The following L3MBTL4 variants were observed in gnomAD, a reference collection of about 807,000 sequenced individuals.
L3MBTL4 encodes lethal(3)malignant brain tumor-like protein 4.
A neutral mutation model predicts 84.5 loss-of-function variants in L3MBTL4; 70 were observed. That is an observed-to-expected ratio of 0.83 (90% CI 0.68 to 1.01). The LOEUF (loss-of-function observed/expected upper bound fraction) is 1.01, where lower values mean the gene tolerates loss of function less well. Ranked by LOEUF, L3MBTL4 falls within the 50% of genes least tolerant of loss-of-function variation. L3MBTL4 has a pLI of 0.00. For missense variants in L3MBTL4, 715 were observed against 754.8 expected, an observed-to-expected ratio of 0.95 and a Z score of 0.62; for synonymous variants, 274 against 259.8, an observed-to-expected ratio of 1.05 and a Z score of -0.52.
At chr18:6,346,136 A>T (rs1243925960) in intron 1 of L3MBTL4, among the ~76,000 whole-genome samples, 1 of 145,610 alleles carries the variant, frequency 6.9e-6, no homozygotes, top group East Asian at 2.0e-4. Flanking sequence ...ATATATATGG[A>T]TGTATATATG....
At chr18:6,395,035 G>T (rs918921399) in intron 1 of L3MBTL4, 2 of 151,914 alleles carry the variant, frequency 1.3e-5, no homozygotes, top group African/African-American at 4.8e-5. Flanking sequence ...ATCTTGTTCC[G>T]TTACTTCATA....
intron 16 of L3MBTL4, among the ~76,000 whole-genome samples, chr18:6,007,871 C>T (rs2054561583): frequency 6.6e-6 from 1 of 152,150 alleles, no homozygotes; most frequent in African/African-American, 2.4e-5. Context: ...GAGCACAGTA[C>T]ATACAGCATG....
At chr18:6,151,553 C>T (rs542295278) in intron 13 of L3MBTL4, among the ~76,000 whole-genome samples, 32 of 151,894 alleles carry the variant, frequency 2.1e-4, no homozygotes, top group African/African-American at 4.6e-4. Context: ...CCACCAGGCA[C>T]GGCTAATTTT....
At chr18:6,217,609 A>G (rs1255536118) in intron 10 of L3MBTL4, among the ~76,000 whole-genome samples, 1 of 152,138 alleles carries the variant, frequency 6.6e-6, no homozygotes, top group Non-Finnish European at 1.5e-5. Flanking sequence ...CTTTTTAGTG[A>G]TAAGAAGTAT....
intron 16 of L3MBTL4, among the ~76,000 whole-genome samples, chr18:6,065,900 T>C (rs2057383193): frequency 6.6e-6 from 1 of 152,052 alleles, no homozygotes; most frequent in African/African-American, 2.4e-5. Flanking sequence ...CTCTTGGGTT[T>C]GGGTTTAATT....
chr18:5,989,063 G>A (rs2053578173), intron 16 of L3MBTL4, among the ~76,000 whole-genome samples: 1 of 152,228 alleles, frequency 6.6e-6, no homozygotes, highest in Non-Finnish European at 1.5e-5. Context: ...TGGAGACAGA[G>A]AGGTGGGGGC....
chr18:6,020,730 G>A (rs1399497477), intron 16 of L3MBTL4, among the ~76,000 whole-genome samples: 2 of 152,166 alleles, frequency 1.3e-5, no homozygotes, highest in African/African-American at 4.8e-5. Flanking sequence ...AGTCAAGGAC[G>A]CTCCTAGGTT....
At chr18:5,970,020 A>C (rs2052561683) in intron 16 of L3MBTL4, among the ~76,000 whole-genome samples, 1 of 152,364 alleles carries the variant, frequency 6.6e-6, no homozygotes, top group South Asian at 2.1e-4. Context: ...CTAAAGACAG[A>C]ATGAGCCTCA....
intron 3 of L3MBTL4, among the ~76,000 whole-genome samples, chr18:6,307,879 T>C (rs2050662447): frequency 1.3e-5 from 2 of 152,234 alleles, no homozygotes; most frequent in Admixed American, 6.5e-5. Flanking sequence ...TTTTTGTATA[T>C]TCATTTTGTA....
At chr18:6,098,492 T>A (rs909320837) in intron 14 of L3MBTL4, among the ~76,000 whole-genome samples, 3 of 152,176 alleles carry the variant, frequency 2.0e-5, no homozygotes, top group Admixed American at 6.5e-5. Context: ...GCCTCTTGAG[T>A]GCTGCAGTTC....
rs753620304 is a variant in L3MBTL4 at position 6,080,863 on chromosome 18, T to G, written c.1444+18A>C. 3.9e-6 allele frequency: 6 copies of G among 1,539,556 alleles called. No individual in the cohort carries two copies. The highest frequency in any genetic ancestry group is 4.5e-6 in the Non-Finnish European group (5 of 1,119,478). Reference sequence around the variant, plus strand: ...ACAAAAAGTATATTCTGTGTTTTGCTAGTGTTTTTGTTTTTACCTCTGAAG... The same window carrying G: ...ACAAAAAGTATATTCTGTGTTTTGCGAGTGTTTTTGTTTTTACCTCTGAAG... On this transcript the variant is annotated intron_variant, in intron 16 of 18. Transcript: ENST00000317931.
At position 6,041,221 on chromosome 18, in the gene L3MBTL4, C is replaced by A. The variant is rs184526635; in HGVS notation, c.1444+39660G>T. Among the ~76,000 whole-genome samples, 532 of 152,326 alleles carry A rather than the reference C, an allele frequency of 3.5e-3. 2 individuals carry two copies. The highest frequency in any genetic ancestry group is 4.3e-3 in the Non-Finnish European group (293 of 68,030). On this transcript the variant is annotated intron_variant, in intron 16 of 18. Transcript: ENST00000317931. ...CTATCAGTGGTGGAACCAGGAGATC[C>A]CTGCCATTGGGCCTGCAGCTGTGGA...
chr18:6,047,627 A>G (rs1718345639), intron 16 of L3MBTL4, among the ~76,000 whole-genome samples: 1 of 152,254 alleles, frequency 6.6e-6, no homozygotes, highest in Admixed American at 6.5e-5. Flanking sequence ...GATTCACAGC[A>G]TAAACAGAAT....
rs78241011 is a variant in L3MBTL4, at chr18:6,098,824, A to C, written c.1200-5296T>G. On this transcript the variant is annotated intron_variant, in intron 14 of 18. Transcript: ENST00000317931. Reference sequence around the variant, plus strand: ...AGACTGAAGAGTCCTCTCTTAACTGAGAGGTCAGATTCTAACAGGTACTGT... The same window carrying C: ...AGACTGAAGAGTCCTCTCTTAACTGCGAGGTCAGATTCTAACAGGTACTGT... 7.9e-3 allele frequency among the ~76,000 whole-genome samples: 1,207 copies of C among 152,254 alleles called. 12 individuals are homozygous for C. Among genetic ancestry groups the C allele is most frequent in the South Asian group, 0.046 (223 of 4,808 alleles).
At chr18:5,978,195 C>T (rs899101672) in intron 16 of L3MBTL4, among the ~76,000 whole-genome samples, 4 of 152,180 alleles carry the variant, frequency 2.6e-5, no homozygotes, top group Admixed American at 1.3e-4. Flanking sequence ...ATACTCATTG[C>T]TGAAAAGGCT....
chr18:6,058,963 A>C (rs1181078483), intron 16 of L3MBTL4, among the ~76,000 whole-genome samples: 1 of 152,234 alleles, frequency 6.6e-6, no homozygotes, highest in Non-Finnish European at 1.5e-5. Context: ...CAATTATTCC[A>C]GTAATAAGAT....
chr18:6,197,692 C>T (rs1568300179), intron 12 of L3MBTL4, among the ~76,000 whole-genome samples: 1 of 152,196 alleles, frequency 6.6e-6, no homozygotes, highest in African/African-American at 2.4e-5. Flanking sequence ...TTTGCCAACA[C>T]TGGCCTTCCT....
intron 5 of L3MBTL4, among the ~76,000 whole-genome samples, chr18:6,255,562 T>G (rs1450230842): frequency 6.6e-6 from 1 of 152,200 alleles, no homozygotes; most frequent in Non-Finnish European, 1.5e-5. Flanking sequence ...CAGCAATTAA[T>G]CATCTTAAAT....
At chr18:6,192,633 C>T (rs999949123) in intron 12 of L3MBTL4, among the ~76,000 whole-genome samples, 3 of 152,068 alleles carry the variant, frequency 2.0e-5, no homozygotes, top group African/African-American at 4.8e-5. Context: ...GATGTGAAAT[C>T]GTTATCTAGG....
Sources: gnomAD v4.1 joint callset for allele counts (sites outside exome capture counted in the v4.1 genomes callset) on GRCh38, gnomAD v4.1.1 for gene constraint, MANE v1.5 for transcripts, NCBI Gene and HGNC (gene_info 2026-07-23, HGNC 2026-07-21) for gene names.